Variants in FNBP1 observed in about 807,000 individuals in gnomAD.
The protein encoded by FNBP1 is formin binding protein 1, also known as formin-binding protein 1.
A neutral mutation model predicts 90.6 loss-of-function variants in FNBP1; 26 were observed. That is an observed-to-expected ratio of 0.29 (90% CI 0.21 to 0.40). The LOEUF (loss-of-function observed/expected upper bound fraction) is 0.40, where lower values mean the gene tolerates loss of function less well. FNBP1 is among the 10% of genes least tolerant of loss of function. FNBP1 has a pLI of 1.00. For synonymous variants in FNBP1, 260 were observed against 265.2 expected (o/e 0.98, Z 0.19); for missense variants, 635 against 768.0 (o/e 0.83, Z 2.05).
chr9:129,972,741 A>G (rs956318827), intron 4 of FNBP1, among the ~76,000 whole-genome samples: 1 of 152,146 alleles, frequency 6.6e-6, no homozygotes, highest in Non-Finnish European at 1.5e-5. Context: ...CATGTTGGCA[A>G]GGCTGGTCTT....
intron 1 of FNBP1, among the ~76,000 whole-genome samples, chr9:130,024,750 T>C (rs2058175506): frequency 6.6e-6 from 1 of 152,176 alleles, no homozygotes; most frequent in Admixed American, 6.5e-5. Flanking sequence ...CATCAGGTGG[T>C]TGAATCTTTT....
intron 1 of FNBP1, among the ~76,000 whole-genome samples, chr9:130,018,938 A>C (rs1043179988): frequency 1.3e-5 from 2 of 152,074 alleles, no homozygotes; most frequent in East Asian, 3.9e-4. Flanking sequence ...AAAAAAGATG[A>C]TTAGGGCTGG....
upstream of FNBP1, among the ~76,000 whole-genome samples, chr9:130,046,424 C>T (rs917440489): frequency 6.6e-6 from 1 of 151,870 alleles, no homozygotes; most frequent in Non-Finnish European, 1.5e-5. Flanking sequence ...TTCCAGATAG[C>T]TAAACACATA....
intron 1 of FNBP1, among the ~76,000 whole-genome samples, chr9:130,001,073 C>T (rs1453434774): frequency 6.6e-6 from 1 of 152,012 alleles, no homozygotes; most frequent in African/African-American, 2.4e-5. Context: ...GTGGCTCACG[C>T]CTGTAATCCA....
chr9:129,917,342 AT>A (rs1347249971), intron 10 of FNBP1, among the ~76,000 whole-genome samples: 80 of 151,442 alleles, frequency 5.3e-4, no homozygotes, highest in African/African-American at 1.9e-3. Context: ...TTACTTATCA[AT>A]TTGCTGATTT....
chr9:130,016,961 T>C (rs1463892933), intron 1 of FNBP1, among the ~76,000 whole-genome samples: 1 of 152,052 alleles, frequency 6.6e-6, no homozygotes, highest in Non-Finnish European at 1.5e-5. Context: ...AAAAATGTCA[T>C]TTGGCAGAGC....
chr9:130,011,974 G>A (rs2056669546), intron 1 of FNBP1, among the ~76,000 whole-genome samples: 1 of 152,156 alleles, frequency 6.6e-6, no homozygotes, highest in Non-Finnish European at 1.5e-5. Flanking sequence ...CAACAAGGTA[G>A]GAATAGTAGC....
chr9:130,025,580 C>G (rs2058262396), intron 1 of FNBP1, among the ~76,000 whole-genome samples: 1 of 152,184 alleles, frequency 6.6e-6, no homozygotes, highest in South Asian at 2.1e-4. Context: ...ATCACGTCCA[C>G]AATACCCCTA....
chr9:129,972,940 G>A (rs1488886467), intron 4 of FNBP1, among the ~76,000 whole-genome samples: 4 of 152,298 alleles, frequency 2.6e-5, no homozygotes, highest in Non-Finnish European at 4.4e-5. Flanking sequence ...ATACTGGAAC[G>A]TTGTGCTGGG....
rs188145302 is a variant in FNBP1 at position 129,912,491 on chromosome 9, C to A, written c.1185+3475G>T. ...ATCACCTGAGGTCGGGAGTTTGAGA[C>A]GAGCCTGACCAACATGGAAAAACCC... On this transcript the variant is annotated intron_variant, in intron 11 of 16. Transcript: ENST00000446176. 4.0e-5 allele frequency among the ~76,000 whole-genome samples: 6 copies of A among 151,340 alleles called. No individual in the cohort carries two copies. In the East Asian group the frequency reaches 5.9e-4, roughly 15 times the overall value.
intron 1 of FNBP1, among the ~76,000 whole-genome samples, chr9:130,001,361 T>C (rs2054828042): frequency 6.7e-6 from 1 of 149,808 alleles, no homozygotes; most frequent in Non-Finnish European, 1.5e-5. Context: ...AAGAATATAG[T>C]AGTTACCAGT....
chr9:130,044,015 A>AG (rs1018647653), upstream of FNBP1, among the ~76,000 whole-genome samples: 3 of 152,258 alleles, frequency 2.0e-5, no homozygotes, highest in Non-Finnish European at 4.4e-5. Context: ...GGTGAGGATC[A>AG]GGGGTGGGCC....
chr9:129,904,064 C>A (rs1184233013), intron 12 of FNBP1, among the ~76,000 whole-genome samples: 1 of 151,984 alleles, frequency 6.6e-6, no homozygotes, highest in African/African-American at 2.4e-5. Flanking sequence ...CAAACAAAAA[C>A]CCCCAAATAT....
In FNBP1 at chr9:129,935,267, G is replaced by C. The variant is rs186716732; in HGVS notation, c.514-5572C>G. On this transcript the variant is annotated intron_variant, in intron 6 of 16. Coordinates refer to ENST00000446176, the MANE Select transcript of FNBP1 (RefSeq NM_015033.3). ...GCCTCCCCAAATGCTGGGATTACAG[G>C]CATGATGAGGCACCATATGCCAGGC... 2.9e-3 allele frequency among the ~76,000 whole-genome samples: 442 copies of C among 151,526 alleles called. 3 individuals carry two copies. The highest frequency in any genetic ancestry group is 3.5e-3 in the Non-Finnish European group (237 of 67,912).
intron 15 of FNBP1, among the ~76,000 whole-genome samples, chr9:129,897,404 G>A (rs578187268): frequency 3.9e-5 from 6 of 152,210 alleles, no homozygotes; most frequent in South Asian, 2.1e-4. Context: ...AACTGGGAAC[G>A]TTTAAACTGG....
At chr9:129,922,637 TA>T (rs756207347) in intron 10 of FNBP1, among the ~76,000 whole-genome samples, 1 of 152,206 alleles carries the variant, frequency 6.6e-6, no homozygotes, top group Non-Finnish European at 1.5e-5. Flanking sequence ...TTTCATCCTT[TA>T]AAGAGAAATT....
Position 129,902,976 on chromosome 9 carries a change from C to T in FNBP1, c.1321G>A (p.Val441Ile). Residue 441 changes from valine to isoleucine, a missense_variant, in exon 13 of 17, where the codon GTC becomes ATC. Val to Ile is a conservative substitution (Grantham distance 29). Coordinates refer to ENST00000446176, the MANE Select transcript of FNBP1 (RefSeq NM_015033.3). Reference protein sequence around the residue: ...QRDAITKMKDVYLKNPQMGDP... With the variant: ...QRDAITKMKDIYLKNPQMGDP... ...CCCATCTGAGGATTCTTTAGGTAGA[C>T]ATCTTTCATTTTTGTTATGGCATCT... The T allele has an allele frequency of 6.3e-7, 1 of 1,592,320 alleles. No homozygotes were observed. Among genetic ancestry groups the T allele is most frequent in the African/African-American group, 1.3e-5 (1 of 74,782 alleles).
chr9:129,888,966 G>A lies in FNBP1; in HGVS notation c.*1573C>T, dbSNP rs369756638. The A allele has an allele frequency of 9.2e-6, 2 of 216,752 alleles. No homozygotes were observed. The highest frequency in any genetic ancestry group is 5.9e-5 in the Admixed American group (1 of 16,982). The allele number at this position is 216,752 out of a possible 1,614,324, so 13.4% of individuals were successfully genotyped here. ...AGCCAAGCAAAGAATAAAGCTGCCC[G>A]ACGTCATCCCCAGGCTTCCGTGGCG... On this transcript the variant is annotated 3_prime_UTR_variant, in exon 17 of 17. Coordinates refer to ENST00000446176, the MANE Select transcript of FNBP1 (RefSeq NM_015033.3).
rs2131140728 is a variant in FNBP1, at chr9:129,890,397, T to C, written c.*142A>G. The stretch of plus-strand genomic sequence containing the variant: ...GAGGGCAGGGCCGCAGGGAGCATGC[T>C]GGAGAGAGAGAGAGACCGCCCCGCA... On this transcript the variant is annotated 3_prime_UTR_variant, in exon 17 of 17. Transcript: ENST00000446176. The surrounding 1 kb of genome is among the most constrained non-coding windows in gnomAD (Gnocchi z 5.8). The C allele has an allele frequency of 6.4e-6, 3 of 467,466 alleles. No individual in the cohort carries two copies. The highest frequency in any genetic ancestry group is 5.1e-4 in the Middle Eastern group (1 of 1,954). The allele number at this position is 467,466 out of a possible 1,614,324, so 29.0% of individuals were successfully genotyped here. A position where few individuals can be genotyped will look rare whatever the true frequency, so the allele number is the denominator to read the frequency against.
Sources: allele counts gnomAD v4.1 joint callset (sites outside exome capture counted in the v4.1 genomes callset), GRCh38; gene constraint gnomAD v4.1.1; non-coding constraint Gnocchi (gnomAD v3.1); transcripts MANE v1.5; gene names NCBI Gene and HGNC (gene_info 2026-07-23, HGNC 2026-07-21).